The following WNK2 variants were observed in gnomAD, a reference collection of about 807,000 sequenced individuals.
WNK2 encodes the protein WNK lysine deficient protein kinase 2, also known as serine/threonine-protein kinase WNK2.
A neutral mutation model predicts 192.1 loss-of-function variants in WNK2; 67 were observed. The ratio of observed to expected loss-of-function variants is 0.35; its 90% confidence interval spans 0.29 to 0.43. The LOEUF is 0.43. Ranked by LOEUF, WNK2 falls within the 20% of genes least tolerant of loss-of-function variation. The pLI is 1.00. For synonymous variants in WNK2, 1,439 were observed against 1,393.9 expected, an observed-to-expected ratio of 1.03 and a Z score of -0.72; for missense variants, 2,698 against 3,089.7, an observed-to-expected ratio of 0.87 and a Z score of 3.01.
At chr9:93,235,783 C>T (rs565166874) in intron 5 of WNK2, among the ~76,000 whole-genome samples, 2 of 152,348 alleles carry the variant, frequency 1.3e-5, no homozygotes, top group African/African-American at 2.4e-5. Flanking sequence ...TGGGTGGGGC[C>T]GCGCTGCCCC....
intron 29 of WNK2, chr9:93,318,254 A>G: frequency 6.7e-7 from 1 of 1,500,004 alleles, no homozygotes; most frequent in Non-Finnish European, 8.8e-7. Context: ...TGAATGGTTT[A>G]CAAATCTGAA....
intron 23 of WNK2, among the ~76,000 whole-genome samples, chr9:93,295,566 A>G (rs1203368080): frequency 6.6e-6 from 1 of 151,886 alleles, no homozygotes; most frequent in Non-Finnish European, 1.5e-5. Context: ...AAGGAAGAGG[A>G]GGGGCACTTG....
At chr9:93,289,827 C>T (rs1376803239) in intron 20 of WNK2, 151 bp from the exon 21 acceptor site, 6 of 864,718 alleles carry the variant, frequency 6.9e-6, no homozygotes, top group South Asian at 1.8e-5. Context: ...GCTTGTGCAG[C>T]GTCAGGTGAC....
At chr9:93,317,471 C>A in intron 28 of WNK2, 49 bp from the exon 29 acceptor site, 1 of 1,591,516 alleles carries the variant, frequency 6.3e-7, no homozygotes, top group Non-Finnish European at 8.6e-7. Context: ...GGGAGGCCAG[C>A]TGATTGCAGC....
chr9:93,195,699 CAAAA>C (rs59357990), intron 2 of WNK2, among the ~76,000 whole-genome samples: 69 of 41,666 alleles, frequency 1.7e-3, no homozygotes, highest in East Asian at 7.4e-3. Context: ...GACTTTGTCT[CAAAA>C]AAAAAAAAAA....
chr9:93,243,378 G>C (rs1841110537), intron 7 of WNK2, among the ~76,000 whole-genome samples: 1 of 152,142 alleles, frequency 6.6e-6, no homozygotes, highest in African/African-American at 2.4e-5. Context: ...CACCACACAA[G>C]TCCCCGTCCC....
intron 26 of WNK2, among the ~76,000 whole-genome samples, chr9:93,302,528 C>T (rs1006988205): frequency 1.3e-5 from 2 of 152,152 alleles, no homozygotes; most frequent in Non-Finnish European, 2.9e-5. Context: ...GGAAGAGAAA[C>T]AGTTCCAGGA....
chr9:93,309,013 A>G, intron 28 of WNK2: 1 of 1,008,850 alleles, frequency 9.9e-7, no homozygotes, highest in Non-Finnish European at 1.2e-6. Flanking sequence ...GCCATAGCTC[A>G]CACGCACCTG....
intron 21 of WNK2, among the ~76,000 whole-genome samples, 154 bp downstream of exon 21, chr9:93,290,201 G>T (rs751344337): frequency 9.2e-5 from 14 of 152,234 alleles, no homozygotes; most frequent in Non-Finnish European, 1.6e-4. Context: ...TTAGCATCCA[G>T]TGTAGGGCCC....
intron 2 of WNK2, among the ~76,000 whole-genome samples, chr9:93,186,330 C>T (rs1829328883): frequency 3.9e-5 from 6 of 152,148 alleles, no homozygotes; most frequent in Admixed American, 3.3e-4. Flanking sequence ...TGCAGAGGCT[C>T]TGGGCATGCA....
At chr9:93,320,271 C>T (rs891864972) in intron 29 of WNK2, 96 bp from the exon 30 acceptor site, 18 of 1,315,228 alleles carry the variant, frequency 1.4e-5, no homozygotes, top group Non-Finnish European at 1.6e-5. Flanking sequence ...GCAGCCTTCC[C>T]GTCGGCAGCT....
intron 5 of WNK2, among the ~76,000 whole-genome samples, chr9:93,236,666 CCATCAGCTG>C (rs1478653162): frequency 1.3e-5 from 2 of 152,254 alleles, no homozygotes; most frequent in Non-Finnish European, 2.9e-5. Flanking sequence ...TCATGCACAG[CCATCAGCTG>C]GGTGAGGAGC....
chr9:93,306,912 G>A, intron 27 of WNK2, 91 bp downstream of exon 27: 1 of 1,534,962 alleles, frequency 6.5e-7, no homozygotes, highest in South Asian at 1.1e-5. Context: ...GGCCGGGCGG[G>A]CGTGGGCCTG....
chr9:93,302,433 C>T (rs1175323746), intron 26 of WNK2, among the ~76,000 whole-genome samples: 2 of 152,056 alleles, frequency 1.3e-5, no homozygotes, highest in African/African-American at 2.4e-5. Flanking sequence ...GGGGGGCAGC[C>T]GGCGCAGCCA....
chr9:93,288,647 A>G, intron 19 of WNK2, 141 bp from the exon 20 acceptor site: 1 of 866,394 alleles, frequency 1.2e-6, no homozygotes, highest in Non-Finnish European at 1.7e-6. Flanking sequence ...GGCAGGCAGG[A>G]GCCTGGCGTG....
At chr9:93,320,285 G>T in intron 29 of WNK2, 82 bp from the exon 30 acceptor site, 1 of 1,355,748 alleles carries the variant, frequency 7.4e-7, no homozygotes. Context: ...GGCAGCTCCT[G>T]GGAGGGTGTC....
chr9:93,317,822 G>C (rs1351354887), intron 29 of WNK2, 191 bp downstream of exon 29: 2 of 1,497,166 alleles, frequency 1.3e-6, no homozygotes, highest in Non-Finnish European at 1.8e-6. Context: ...TGGTCAGCAT[G>C]CCTGGCCCCC....
At chr9:93,204,758 C>G (rs1161754492) in intron 2 of WNK2, among the ~76,000 whole-genome samples, 2 of 152,026 alleles carry the variant, frequency 1.3e-5, no homozygotes, top group Non-Finnish European at 2.9e-5. Context: ...GTTTGGGGCT[C>G]AGGGAGGCTC....
At chr9:93,297,072 ATCCTCTTCTCGGCT>A (rs1423918394) in intron 23 of WNK2, among the ~76,000 whole-genome samples, 2 of 85,774 alleles carry the variant, frequency 2.3e-5, no homozygotes, top group East Asian at 3.4e-4. Context: ...TCCCCTCCAC[ATCCTCTTCTCGGCT>A]TCCTCCCCTC....
Sources: allele counts gnomAD v4.1 joint callset (sites outside exome capture counted in the v4.1 genomes callset), GRCh38; gene constraint gnomAD v4.1.1; transcripts MANE v1.5; gene names NCBI Gene and HGNC (gene_info 2026-07-23, HGNC 2026-07-21).